Variants in ST6GAL1 observed in about 807,000 individuals in gnomAD.
The protein encoded by ST6GAL1 is ST6 beta-galactoside alpha-2,6-sialyltransferase 1, also known as beta-galactoside alpha-2,6-sialyltransferase 1.
ST6GAL1 carries 20 observed loss-of-function variants against 38.0 expected under a neutral mutation model. The observed-to-expected ratio is 0.53, with a 90% CI of 0.37 to 0.77. The LOEUF is 0.77. ST6GAL1 is among the 30% of genes least tolerant of loss of function. ST6GAL1 has a pLI of 0.00. For synonymous variants in ST6GAL1, 196 were observed against 188.2 expected, an observed-to-expected ratio of 1.04 and a Z score of -0.34; for missense variants, 432 against 496.4, an observed-to-expected ratio of 0.87 and a Z score of 1.23.
At chr3:186,933,432 T>C (rs1188777039) in intron 1 of ST6GAL1, among the ~76,000 whole-genome samples, 1 of 152,214 alleles carries the variant, frequency 6.6e-6, no homozygotes, top group Non-Finnish European at 1.5e-5. Flanking sequence ...TTTGGTGTGG[T>C]GCACGAGCTC....
intron 2 of ST6GAL1, among the ~76,000 whole-genome samples, chr3:187,034,100 TATGAAAG>T (rs1717846093): frequency 7.3e-6 from 1 of 136,178 alleles, no homozygotes; most frequent in African/African-American, 3.2e-5. Context: ...CCCACAGAAA[TATGAAAG>T]ATCTTTGGAG....
intron 2 of ST6GAL1, among the ~76,000 whole-genome samples, chr3:187,032,926 T>A (rs1048429421): frequency 4.6e-5 from 7 of 152,168 alleles, no homozygotes; most frequent in African/African-American, 1.7e-4. Context: ...CAGAGGATTT[T>A]CTCTTGGTTC....
At chr3:187,052,112 A>G (rs1718536100) in intron 5 of ST6GAL1, among the ~76,000 whole-genome samples, 1 of 152,050 alleles carries the variant, frequency 6.6e-6, no homozygotes, top group Non-Finnish European at 1.5e-5. Flanking sequence ...CATGGGGTGG[A>G]TCCTGGAACA....
chr3:186,980,951 G>C (rs1285805630), intron 2 of ST6GAL1, among the ~76,000 whole-genome samples: 3 of 152,128 alleles, frequency 2.0e-5, no homozygotes, highest in African/African-American at 7.2e-5. Flanking sequence ...TGTTCTTCAG[G>C]GACCCATTCC....
At position 187,000,364 on chromosome 3, in the gene ST6GAL1, A is replaced by C. The variant is rs552548478; in HGVS notation, c.-183+36438A>C. Among the ~76,000 whole-genome samples the C allele has an allele frequency of 3.3e-5, 5 of 150,542 alleles. No homozygotes were observed. In the East Asian group the frequency reaches 9.8e-4, roughly 29 times the overall value. On this transcript the variant is annotated intron_variant, in intron 2 of 7. Transcript: ENST00000169298. ...TAGGAGTTCGAGACCAGCCTGGCCA[A>C]CATGGTGAAACCCCATCTCTACTAA... is the stretch of plus-strand genomic sequence containing the variant.
chr3:187,008,325 G>GA (rs1287743830), intron 2 of ST6GAL1, among the ~76,000 whole-genome samples: 1 of 149,058 alleles, frequency 6.7e-6, no homozygotes. Flanking sequence ...GAAAAGAGAA[G>GA]AAAGGAAGGA....
At chr3:186,994,561 T>C (rs1716299375) in intron 2 of ST6GAL1, among the ~76,000 whole-genome samples, 1 of 152,228 alleles carries the variant, frequency 6.6e-6, no homozygotes, top group Admixed American at 6.5e-5. Flanking sequence ...ACATGAATAG[T>C]CATACAAAAT....
intron 1 of ST6GAL1, among the ~76,000 whole-genome samples, chr3:186,959,293 C>G (rs934042444): frequency 5.9e-5 from 9 of 152,178 alleles, no homozygotes; most frequent in African/African-American, 2.2e-4. Context: ...CTTGGCCTAG[C>G]ACTAAAGGGA....
chr3:187,061,260 A>G (rs891791436), intron 5 of ST6GAL1, among the ~76,000 whole-genome samples: 1 of 152,222 alleles, frequency 6.6e-6, no homozygotes, highest in Non-Finnish European at 1.5e-5. Flanking sequence ...TCCCATGTTC[A>G]CAGATTGAAA....
At chr3:187,017,663 GT>G (rs1227314913) in intron 2 of ST6GAL1, among the ~76,000 whole-genome samples, 1 of 152,180 alleles carries the variant, frequency 6.6e-6, no homozygotes, top group African/African-American at 2.4e-5. Context: ...TGTTGCCTTG[GT>G]GACTTTAAGG....
chr3:187,030,184 G>A (rs527959726), intron 2 of ST6GAL1, among the ~76,000 whole-genome samples: 2 of 152,268 alleles, frequency 1.3e-5, no homozygotes, highest in East Asian at 3.9e-4. Flanking sequence ...AACGAAGCAC[G>A]GTATTTTGGG....
chr3:186,962,165 C>T (rs1023564970), intron 1 of ST6GAL1, among the ~76,000 whole-genome samples: 3 of 152,148 alleles, frequency 2.0e-5, no homozygotes, highest in African/African-American at 7.2e-5. Flanking sequence ...CGTTACCACC[C>T]ATCGCATGGC....
intron 2 of ST6GAL1, among the ~76,000 whole-genome samples, chr3:187,010,191 G>A (rs1716911381): frequency 6.6e-6 from 1 of 152,056 alleles, no homozygotes; most frequent in African/African-American, 2.4e-5. Context: ...TGGAATTACT[G>A]GGTTAAAAGA....
chr3:187,071,581 C>G (rs1242784480), intron 5 of ST6GAL1, among the ~76,000 whole-genome samples: 1 of 151,300 alleles, frequency 6.6e-6, no homozygotes, highest in East Asian at 1.9e-4. Context: ...AACCCCGTCT[C>G]TACTAAAAAT....
At chr3:187,024,225 C>G (rs1717435066) in intron 2 of ST6GAL1, among the ~76,000 whole-genome samples, 1 of 151,776 alleles carries the variant, frequency 6.6e-6, no homozygotes, top group African/African-American at 2.4e-5. Context: ...TCCTGAGTAG[C>G]TGGGACTACA....
chr3:187,050,088 C>G (rs914566467), intron 4 of ST6GAL1, among the ~76,000 whole-genome samples: 1 of 152,170 alleles, frequency 6.6e-6, no homozygotes, highest in Non-Finnish European at 1.5e-5. Context: ...TACATTGGAA[C>G]TGAAATAAAG....
chr3:187,071,292 T>C (rs1719361645), intron 5 of ST6GAL1, among the ~76,000 whole-genome samples: 1 of 152,190 alleles, frequency 6.6e-6, no homozygotes, highest in Admixed American at 6.5e-5. Flanking sequence ...ACAGCTGATT[T>C]CATATATTAA....
At chr3:187,070,867 T>C (rs1719346340) in intron 5 of ST6GAL1, among the ~76,000 whole-genome samples, 1 of 152,148 alleles carries the variant, frequency 6.6e-6, no homozygotes, top group Non-Finnish European at 1.5e-5. Flanking sequence ...TTTGGCTCCT[T>C]AGCACCCAGT....
At chr3:186,935,472 A>C (rs1426197549) in intron 1 of ST6GAL1, among the ~76,000 whole-genome samples, 1 of 152,128 alleles carries the variant, frequency 6.6e-6, no homozygotes, top group Admixed American at 6.6e-5. Context: ...ATATGCGCGC[A>C]TGTGTCTTTA....
Sources: allele counts gnomAD v4.1 joint callset (sites outside exome capture counted in the v4.1 genomes callset), GRCh38; gene constraint gnomAD v4.1.1; transcripts MANE v1.5; gene names NCBI Gene and HGNC (gene_info 2026-07-23, HGNC 2026-07-21).